The following CFAP77 variants were observed in gnomAD, a reference collection of about 807,000 sequenced individuals.
The protein encoded by CFAP77 is cilia and flagella associated protein 77.
In CFAP77, 25 loss-of-function variants were observed where a neutral mutation model predicts 31.1. The ratio of observed to expected loss-of-function variants is 0.80; its 90% confidence interval spans 0.59 to 1.12. The LOEUF is 1.12. Ranked by LOEUF, CFAP77 falls within the 50% of genes most tolerant of loss-of-function variation. The pLI, the probability that CFAP77 is intolerant of heterozygous loss-of-function variation, is 0.00. For synonymous variants in CFAP77, 151 were observed against 159.9 expected (o/e 0.94, Z 0.42); for missense variants, 377 against 397.3 (o/e 0.95, Z 0.44).
intron 3 of CFAP77, among the ~76,000 whole-genome samples, chr9:132,516,540 G>A (rs1852150157): frequency 6.6e-6 from 1 of 151,510 alleles, no homozygotes; most frequent in Non-Finnish European, 1.5e-5. Context: ...TCTGTGTCTT[G>A]ACTATGGTGG....
chr9:132,515,797 T>C (rs959910181), intron 3 of CFAP77, among the ~76,000 whole-genome samples: 1 of 152,184 alleles, frequency 6.6e-6, no homozygotes, highest in African/African-American at 2.4e-5. Flanking sequence ...GGTGAGGAAC[T>C]TTGAGAAGGC....
chr9:132,519,779 GATGGATGGATGGAT>G (rs1564238443), intron 3 of CFAP77, among the ~76,000 whole-genome samples: 1 of 143,528 alleles, frequency 7.0e-6, no homozygotes, highest in Non-Finnish European at 1.5e-5. Flanking sequence ...TGGGTGGATA[GATGGATGGATGGAT>G]GGATGGATGA....
chr9:132,462,001 C>T (rs138672298), intron 1 of CFAP77, among the ~76,000 whole-genome samples: 24 of 152,294 alleles, frequency 1.6e-4, no homozygotes, highest in Admixed American at 9.1e-4. Context: ...CCCTTGCACA[C>T]GGCAGGCACC....
At chr9:132,520,117 T>A (rs1852243126) in intron 3 of CFAP77, among the ~76,000 whole-genome samples, 1 of 139,766 alleles carries the variant, frequency 7.2e-6, no homozygotes, top group African/African-American at 2.6e-5. Flanking sequence ...ACCGCAACAG[T>A]GTCTGGCATC....
chr9:132,537,702 A>AGTTT lies in CFAP77; in HGVS notation c.627_628insTTTG (p.Lys210PhefsTer10). 1 of 1,612,786 alleles carries AGTTT rather than the reference A, an allele frequency of 6.2e-7. No homozygotes were observed. Among genetic ancestry groups the AGTTT allele is most frequent in the Non-Finnish European group, 8.5e-7 (1 of 1,179,066 alleles). On this transcript the variant is annotated frameshift_variant, in exon 4 of 6. Transcript: ENST00000393216. LOFTEE classifies it high-confidence loss of function. ...AAAGCCATCAAACTGGAGAAGAAGC[A>AGTTT]GAAGGTAAATGCAGCCCTCGCTCCC... is the stretch of plus-strand genomic sequence containing the variant.
chr9:132,519,680 ATGAGTGG>A (rs1852228984), intron 3 of CFAP77, among the ~76,000 whole-genome samples: 2 of 34,700 alleles, frequency 5.8e-5, no homozygotes, highest in Admixed American at 7.7e-4. Flanking sequence ...GGATGGATGG[ATGAGTGG>A]GTGGGTGGAT....
In CFAP77 at chr9:132,537,417, C is replaced by T. The variant is rs569589027; in HGVS notation, c.525-184C>T. ...CTACCACCGTCCCAGGCCCACCACTCATCAGCCTATGTGAGGGACCTGTTT... is the reference window on the plus strand; with the variant it reads ...CTACCACCGTCCCAGGCCCACCACTTATCAGCCTATGTGAGGGACCTGTTT... On this transcript the variant is annotated intron_variant, in intron 3 of 5. Coordinates refer to ENST00000393216, the MANE Select transcript of CFAP77 (RefSeq NM_001282957.2). Among the ~76,000 whole-genome samples the T allele has an allele frequency of 4.6e-5, 7 of 152,304 alleles. No individual in the cohort carries two copies. The East Asian group carries it at 1.3e-3, about 29-fold the overall frequency.
chr9:132,437,595 C>T (rs974243383), intron 1 of CFAP77, among the ~76,000 whole-genome samples: 80 of 150,066 alleles, frequency 5.3e-4, no homozygotes, highest in African/African-American at 1.9e-3. Context: ...CTGCAAACTC[C>T]GCCTCCCGGG....
chr9:132,453,399 G>A (rs1023252241), intron 1 of CFAP77, among the ~76,000 whole-genome samples: 14 of 149,674 alleles, frequency 9.4e-5, no homozygotes, highest in South Asian at 4.2e-4. Context: ...GACGGCATGC[G>A]CCTGTAATCC....
chr9:132,558,384 T>C (rs186264278), intron 5 of CFAP77, among the ~76,000 whole-genome samples: 6 of 152,324 alleles, frequency 3.9e-5, no homozygotes, highest in African/African-American at 1.2e-4. Flanking sequence ...AGACTTGTGT[T>C]GATGAATATA....
rs1230725831 is a variant in CFAP77 at position 132,552,421 on chromosome 9, CG to C, written c.732+9376del. Among the ~76,000 whole-genome samples the C allele has an allele frequency of 2.0e-5, 3 of 152,094 alleles. No individual in the cohort carries two copies. The highest frequency in any genetic ancestry group is 1.5e-5 in the Non-Finnish European group (1 of 68,012). ...AAAATGCAGAGTCGAAGGCCCAGTG[CG>C]GTGGCTCATGCCTGTAATCTCCCAG... On this transcript the variant is annotated intron_variant, in intron 5 of 5. Transcript: ENST00000393216. This position sits in a 1 kb window ranked among gnomAD's most constrained non-coding sequence, Gnocchi z 5.5.
intron 3 of CFAP77, among the ~76,000 whole-genome samples, chr9:132,516,090 T>G (rs1220367149): frequency 6.6e-6 from 1 of 152,198 alleles, no homozygotes; most frequent in Admixed American, 6.5e-5. Flanking sequence ...GGTCTAAAGT[T>G]GGCAGCTCCA....
At chr9:132,443,548 C>T (rs1304754440) in intron 1 of CFAP77, among the ~76,000 whole-genome samples, 3 of 152,084 alleles carry the variant, frequency 2.0e-5, no homozygotes, top group Non-Finnish European at 2.9e-5. Context: ...CCACTGCACC[C>T]GGCCAGAAAA....
At chr9:132,482,356 C>G in intron 1 of CFAP77, 2 of 1,614,126 alleles carry the variant, frequency 1.2e-6, no homozygotes, top group Non-Finnish European at 1.7e-6. Flanking sequence ...GTTTATGACT[C>G]CTCAGCGGTG....
rs1376960263 is a variant in CFAP77, at chr9:132,455,357, A to G, written c.196-43338A>G. On this transcript the variant is annotated intron_variant, in intron 1 of 5. Coordinates refer to ENST00000393216, the MANE Select transcript of CFAP77 (RefSeq NM_001282957.2). This position sits in a 1 kb window ranked among gnomAD's most constrained non-coding sequence, Gnocchi z 4.1. ...CCTCATCTCTACTAAAAATACAAAAATTAGCCAGGTGTGGTGGCGGGCACC... is the reference window on the plus strand; with the variant it reads ...CCTCATCTCTACTAAAAATACAAAAGTTAGCCAGGTGTGGTGGCGGGCACC... Among the ~76,000 whole-genome samples, 1 of 152,100 alleles carries G rather than the reference A, an allele frequency of 6.6e-6. No individual in the cohort carries two copies. The highest frequency in any genetic ancestry group is 6.6e-5 in the Admixed American group (1 of 15,262).
chr9:132,572,701 C>T lies in CFAP77; in HGVS notation c.*191C>T, dbSNP rs1287920443. Reference sequence around the variant, plus strand: ...TTTTAGGTTAGCCAACATTAGTCTCCACTTAGCCCCAGTGACCCTCTACCT... The same window carrying T: ...TTTTAGGTTAGCCAACATTAGTCTCTACTTAGCCCCAGTGACCCTCTACCT... On this transcript the variant is annotated 3_prime_UTR_variant, in exon 6 of 6. Transcript: ENST00000393216. 2 of 597,120 alleles carry T rather than the reference C, an allele frequency of 3.3e-6. No homozygotes were observed. The highest frequency in any genetic ancestry group is 5.7e-6 in the Non-Finnish European group (2 of 349,204). 37.0% of individuals were successfully genotyped at this position (597,120 alleles called of 1,614,324 possible). A position where few individuals can be genotyped will look rare whatever the true frequency, so the allele number is the denominator to read the frequency against.
chr9:132,433,992 A>G (rs1379001929), intron 1 of CFAP77, among the ~76,000 whole-genome samples: 1 of 149,326 alleles, frequency 6.7e-6, no homozygotes, highest in Non-Finnish European at 1.5e-5. Flanking sequence ...AAAAAAAATT[A>G]GCTGGGCATG....
intron 5 of CFAP77, among the ~76,000 whole-genome samples, chr9:132,567,122 G>A (rs1056901601): frequency 1.3e-5 from 2 of 152,200 alleles, no homozygotes; most frequent in Admixed American, 6.5e-5. Context: ...GGAATGGGAT[G>A]TCATCCACAT....
chr9:132,513,372 T>C, intron 3 of CFAP77: 1 of 1,529,444 alleles, frequency 6.5e-7, no homozygotes, highest in Non-Finnish European at 8.8e-7. Flanking sequence ...GATCCTTTCC[T>C]TTAATATTGA....
Sources: allele counts gnomAD v4.1 joint callset (sites outside exome capture counted in the v4.1 genomes callset), GRCh38; gene constraint gnomAD v4.1.1; non-coding constraint Gnocchi (gnomAD v3.1); transcripts MANE v1.5; gene names NCBI Gene and HGNC (gene_info 2026-07-23, HGNC 2026-07-21).